Variants in HDAC9 observed in about 807,000 individuals in gnomAD.
HDAC9 encodes the protein histone deacetylase 9, also known as MEF-2 interacting transcription repressor (MITR) protein.
Under a neutral mutation model 139.4 loss-of-function variants are expected in HDAC9, and 41 were observed. The observed-to-expected ratio is 0.29, with a 90% CI of 0.23 to 0.38. The LOEUF (loss-of-function observed/expected upper bound fraction) is 0.38. Among genes scored for constraint, HDAC9 ranks in the 10% least tolerant of loss-of-function variants. The pLI, the probability that HDAC9 is intolerant of heterozygous loss-of-function variation, is 1.00. For synonymous variants in HDAC9, 517 were observed against 476.2 expected, an observed-to-expected ratio of 1.09 and a Z score of -1.12; for missense variants, 1,147 against 1,297.0, an observed-to-expected ratio of 0.88 and a Z score of 1.78.
chr7:18,252,608 T>C (rs1794986743), intron 2 of HDAC9, among the ~76,000 whole-genome samples: 1 of 152,302 alleles, frequency 6.6e-6, no homozygotes, highest in Non-Finnish European at 1.5e-5. Context: ...ACACTTTGAA[T>C]GTATTACTTT....
chr7:18,966,236 C>T (rs1268122837), intron 24 of HDAC9, among the ~76,000 whole-genome samples: 3 of 152,144 alleles, frequency 2.0e-5, no homozygotes, highest in Non-Finnish European at 2.9e-5. Flanking sequence ...ATATAACTAG[C>T]GCTTCCCTTT....
rs1401207459 is a variant in HDAC9, at chr7:18,917,785, A to G, written c.2804-18024A>G. Among the ~76,000 whole-genome samples the G allele has an allele frequency of 2.0e-5, 3 of 152,016 alleles. No individual in the cohort carries two copies. The East Asian group carries it at 5.8e-4, about 29-fold the overall frequency. ...CAGGGAAATTAAAAATATGTCTGAGATGACACTGATGACCGTGAGAGAGAT... is the reference window on the plus strand; with the variant it reads ...CAGGGAAATTAAAAATATGTCTGAGGTGACACTGATGACCGTGAGAGAGAT... On this transcript the variant is annotated intron_variant, in intron 22 of 25. Transcript: ENST00000686413.
chr7:18,699,880 A>G (rs552450758), intron 12 of HDAC9, among the ~76,000 whole-genome samples: 2 of 152,146 alleles, frequency 1.3e-5, no homozygotes, highest in South Asian at 2.1e-4. Flanking sequence ...TTTGTATTTC[A>G]TATATAAAAT....
At chr7:18,712,665 C>T (rs1784429508) in intron 12 of HDAC9, among the ~76,000 whole-genome samples, 2 of 152,100 alleles carry the variant, frequency 1.3e-5, no homozygotes, top group African/African-American at 4.8e-5. Context: ...GGTTCATTGA[C>T]ATGTTATAAA....
At chr7:18,708,150 G>A (rs960898104) in intron 12 of HDAC9, among the ~76,000 whole-genome samples, 1 of 152,098 alleles carries the variant, frequency 6.6e-6, no homozygotes, top group South Asian at 2.1e-4. Flanking sequence ...TGTAGAGGAG[G>A]GGGCAGGAAG....
chr7:18,720,396 T>G (rs1785051435), intron 12 of HDAC9, among the ~76,000 whole-genome samples: 1 of 151,728 alleles, frequency 6.6e-6, no homozygotes, highest in Non-Finnish European at 1.5e-5. Flanking sequence ...TCATATTAAG[T>G]TCCCAATTTA....
At chr7:18,581,168 C>T (rs1827712358) in intron 2 of HDAC9, among the ~76,000 whole-genome samples, 1 of 152,094 alleles carries the variant, frequency 6.6e-6, no homozygotes, top group Non-Finnish European at 1.5e-5. Flanking sequence ...CATGCCTTTG[C>T]TCTCCTCTCT....
intron 1 of HDAC9, among the ~76,000 whole-genome samples, chr7:18,292,502 C>T (rs934006973): frequency 6.6e-6 from 1 of 152,000 alleles, no homozygotes; most frequent in African/African-American, 2.4e-5. Context: ...TTTCAGAATG[C>T]CTAATTACAA....
At chr7:18,484,850 C>T (rs1368618521) in intron 1 of HDAC9, among the ~76,000 whole-genome samples, 1 of 138,934 alleles carries the variant, frequency 7.2e-6, no homozygotes, top group Non-Finnish European at 1.6e-5. Flanking sequence ...AAGACCCCAC[C>T]TGTAAAAAAA....
Position 18,821,549 on chromosome 7 carries a change from G to T in HDAC9, c.2323-7612G>T, listed in dbSNP as rs189222341. On this transcript the variant is annotated intron_variant, in intron 17 of 25. Coordinates refer to ENST00000686413, the MANE Select transcript of HDAC9 (RefSeq NM_178425.4). ...ATACAAAATAAAACTGATGCAGCGG[G>T]AAAAGGAAGATCAACTGTTTTTCTG... Among the ~76,000 whole-genome samples, 269 of 152,300 alleles carry T rather than the reference G, an allele frequency of 1.8e-3. 1 individual carries two copies. Among genetic ancestry groups the T allele is most frequent in the African/African-American group, 6.1e-3 (253 of 41,564 alleles).
At chr7:18,988,262 G>A (rs922891064) in intron 25 of HDAC9, among the ~76,000 whole-genome samples, 17 of 151,968 alleles carry the variant, frequency 1.1e-4, no homozygotes, top group Non-Finnish European at 2.4e-4. Context: ...GGTATGTTGT[G>A]TCTTTGTTCT....
chr7:18,268,713 T>A (rs1282482868), intron 2 of HDAC9, among the ~76,000 whole-genome samples: 1 of 152,188 alleles, frequency 6.6e-6, no homozygotes, highest in Non-Finnish European at 1.5e-5. Flanking sequence ...TTGTTTATTT[T>A]CCAAGCCAGT....
intron 1 of HDAC9, among the ~76,000 whole-genome samples, chr7:18,161,877 A>T (rs1360776046): frequency 1.3e-5 from 2 of 152,210 alleles, no homozygotes; most frequent in African/African-American, 2.4e-5. Flanking sequence ...TATATGCAAA[A>T]ATCCAAAAAA....
In HDAC9 at chr7:18,850,749, A is replaced by T. The variant is rs1797227891; in HGVS notation, c.2684+14752A>T. ...ACTGGATGGCCCATAAACAACAGAAATGTATTTTGTACACTTCTGGAGGCT... is the reference window on the plus strand; with the variant it reads ...ACTGGATGGCCCATAAACAACAGAATTGTATTTTGTACACTTCTGGAGGCT... On this transcript the variant is annotated intron_variant, in intron 21 of 25. Coordinates refer to ENST00000686413, the MANE Select transcript of HDAC9 (RefSeq NM_178425.4). Among the ~76,000 whole-genome samples the T allele has an allele frequency of 2.0e-5, 3 of 152,252 alleles. No homozygotes were observed. The South Asian group carries it at 6.2e-4, about 32-fold the overall frequency.
At chr7:18,358,082 G>A (rs1177940950) in intron 1 of HDAC9, among the ~76,000 whole-genome samples, 3 of 152,108 alleles carry the variant, frequency 2.0e-5, no homozygotes, top group African/African-American at 7.2e-5. Context: ...CCAGCTACTC[G>A]GGAGGCTGAC....
chr7:18,290,183 A>T (rs1221507208), upstream of HDAC9: 4 of 245,044 alleles, frequency 1.6e-5, no homozygotes, highest in Non-Finnish European at 3.3e-5. Context: ...TCTGTAGTCT[A>T]TTAGGCTTCT....
chr7:18,846,531 A>G (rs1796916892), intron 21 of HDAC9, among the ~76,000 whole-genome samples: 1 of 152,238 alleles, frequency 6.6e-6, no homozygotes. Context: ...TTAGAACATA[A>G]TTACATCAGA....
intron 1 of HDAC9, among the ~76,000 whole-genome samples, chr7:18,486,875 A>G (rs1195971069): frequency 1.3e-5 from 2 of 152,116 alleles, no homozygotes; most frequent in African/African-American, 4.8e-5. Flanking sequence ...ATTTGTGAAA[A>G]TAAGTATGAA....
intron 15 of HDAC9, among the ~76,000 whole-genome samples, chr7:18,762,619 A>G (rs966363464): frequency 6.6e-6 from 1 of 152,112 alleles, no homozygotes; most frequent in Non-Finnish European, 1.5e-5. Flanking sequence ...CTTTATGCAA[A>G]TTTCTCTTCA....
Sources: gnomAD v4.1 joint callset for allele counts (sites outside exome capture counted in the v4.1 genomes callset) on GRCh38, gnomAD v4.1.1 for gene constraint, MANE v1.5 for transcripts, NCBI Gene and HGNC (gene_info 2026-07-23, HGNC 2026-07-21) for gene names.